Variants in FBLN5 observed in about 807,000 individuals in gnomAD.
FBLN5 encodes fibulin 5.
A neutral mutation model predicts 61.6 loss-of-function variants in FBLN5; 24 were observed. The observed-to-expected ratio is 0.39, with a 90% CI of 0.28 to 0.55. The LOEUF (loss-of-function observed/expected upper bound fraction) is 0.55, where lower values mean the gene tolerates loss of function less well. FBLN5 is among the 20% of genes least tolerant of loss of function. FBLN5 has a pLI of 0.65. For synonymous variants in FBLN5, 213 were observed against 219.8 expected (o/e 0.97, Z 0.27); for missense variants, 470 against 594.1 (o/e 0.79, Z 2.17).
intron 10 of FBLN5, chr14:91,874,567 G>A (rs920254981): frequency 6.6e-6 from 1 of 152,162 alleles, no homozygotes; most frequent in Non-Finnish European, 1.5e-5. Context: ...AGGTTGCTTA[G>A]CTCTGTGCCT....
At position 91,937,092 on chromosome 14, in the gene FBLN5, C is replaced by T; in HGVS notation, c.234G>A (p.Gly78=). ...CIPRTNPVYR[G]PYSNPYSTPY... ...GGGTCGAGTAGGGGTTCGAGTAGGG[C>T]CCTCGATACACAGGGTTTGTCCGGG... The change falls in exon 4 of 11, where the codon GGG becomes GGA. Residue 78 remains glycine (G), a synonymous_variant. Transcript: ENST00000342058. 1.9e-6 allele frequency: 3 copies of T among 1,613,988 alleles called. No homozygotes were observed. The highest frequency in any genetic ancestry group is 2.5e-6 in the Non-Finnish European group (3 of 1,180,000).
intron 5 of FBLN5, among the ~76,000 whole-genome samples, chr14:91,891,839 G>T (rs561193345): frequency 6.6e-6 from 1 of 152,276 alleles, no homozygotes; most frequent in East Asian, 1.9e-4. Flanking sequence ...CACTCCAATA[G>T]GCTCCTTGCC....
At chr14:91,915,757 A>G (rs1891174355) in intron 4 of FBLN5, among the ~76,000 whole-genome samples, 1 of 151,982 alleles carries the variant, frequency 6.6e-6, no homozygotes, top group Admixed American at 6.6e-5. Flanking sequence ...CACACCCAAA[A>G]ATACCAAATC....
intron 10 of FBLN5, chr14:91,874,730 G>T (rs1889090415): frequency 6.6e-6 from 1 of 152,284 alleles, no homozygotes. Flanking sequence ...TGTGTGTGGA[G>T]TTATTGGGGT....
chr14:91,925,297 C>T (rs574884237), intron 4 of FBLN5, among the ~76,000 whole-genome samples: 1 of 152,336 alleles, frequency 6.6e-6, no homozygotes, highest in South Asian at 2.1e-4. Context: ...TCCCCATCTC[C>T]CCTCTGGCCC....
In FBLN5 at chr14:91,915,701, A is replaced by AG. The variant is rs1416070148; in HGVS notation, c.380-20630_380-20629insC. ...GACTCCATCTCAAAAAAAAAAAAAA[A>AG]AAAAAAAAAAGAAATCATATCAGTA... On this transcript the variant is annotated intron_variant, in intron 4 of 10. Coordinates refer to ENST00000342058, the MANE Select transcript of FBLN5 (RefSeq NM_006329.4). 3.3e-5 allele frequency among the ~76,000 whole-genome samples: 5 copies of AG among 150,910 alleles called. No individual in the cohort carries two copies. In the East Asian group the frequency reaches 9.7e-4, roughly 29 times the overall value.
At chr14:91,887,433 A>G in intron 6 of FBLN5, 121 bp from the exon 7 acceptor site, 2 of 1,018,910 alleles carry the variant, frequency 2.0e-6, no homozygotes, top group Non-Finnish European at 3.1e-6. Context: ...CCAGGTACCA[A>G]GGCTCTCCAC....
intron 4 of FBLN5, among the ~76,000 whole-genome samples, chr14:91,907,317 T>A (rs1404058400): frequency 6.6e-6 from 1 of 152,132 alleles, no homozygotes; most frequent in African/African-American, 2.4e-5. Flanking sequence ...AGCTGAAAAC[T>A]ACACATTGAG....
intron 5 of FBLN5, among the ~76,000 whole-genome samples, chr14:91,892,551 G>A (rs141229033): frequency 6.6e-6 from 1 of 152,278 alleles, no homozygotes; most frequent in African/African-American, 2.4e-5. Context: ...TTGTCTCTAA[G>A]TCCCGGCTAC....
chr14:91,944,047 C>T (rs951373077), intron 1 of FBLN5, among the ~76,000 whole-genome samples: 1 of 152,010 alleles, frequency 6.6e-6, no homozygotes, highest in African/African-American at 2.4e-5. Context: ...AATACAAAAG[C>T]AGCCGGGTGT....
chr14:91,906,855 G>A (rs983219182), intron 4 of FBLN5, among the ~76,000 whole-genome samples: 2 of 152,152 alleles, frequency 1.3e-5, no homozygotes, highest in East Asian at 1.9e-4. Context: ...ATACCAGTGC[G>A]GCAACACTGG....
chr14:91,916,483 G>A (rs1340175850), intron 4 of FBLN5, among the ~76,000 whole-genome samples: 1 of 152,110 alleles, frequency 6.6e-6, no homozygotes, highest in East Asian at 1.9e-4. Context: ...GAGGGACTAG[G>A]CATTTCTTCA....
At chr14:91,920,738 C>A (rs893100425) in intron 4 of FBLN5, among the ~76,000 whole-genome samples, 3 of 152,166 alleles carry the variant, frequency 2.0e-5, no homozygotes, top group Admixed American at 6.5e-5. Context: ...CTCCTCCTGG[C>A]AAGCCTCCAA....
At chr14:91,880,878 G>A (rs768574692) in intron 9 of FBLN5, among the ~76,000 whole-genome samples, 1 of 151,830 alleles carries the variant, frequency 6.6e-6, no homozygotes, top group Non-Finnish European at 1.5e-5. Context: ...TGTGTGTTGT[G>A]GTCAAACATT....
intron 10 of FBLN5, among the ~76,000 whole-genome samples, chr14:91,875,057 C>T (rs557483016): frequency 2.6e-5 from 4 of 152,048 alleles, no homozygotes; most frequent in Admixed American, 1.3e-4. Flanking sequence ...CTTGAACTCC[C>T]GGGCTCCAGG....
intron 10 of FBLN5, 76 bp downstream of exon 10, chr14:91,877,411 C>T: frequency 1.7e-6 from 2 of 1,211,934 alleles, no homozygotes; most frequent in Non-Finnish European, 1.2e-6. Flanking sequence ...TACCTGCTTG[C>T]ATACAGCACG....
intron 4 of FBLN5, among the ~76,000 whole-genome samples, chr14:91,910,155 A>T (rs72705356): frequency 0.23 from 34,261 of 152,152 alleles, 4,032 homozygotes; most frequent in Middle Eastern, 0.34. Context: ...GAATACCCAA[A>T]ATGTGGTACA....
intron 1 of FBLN5, among the ~76,000 whole-genome samples, chr14:91,945,595 C>T (rs2056171196): frequency 6.6e-6 from 1 of 152,312 alleles, no homozygotes; most frequent in South Asian, 2.1e-4. Context: ...AATATAATCC[C>T]TCCCTTTCAG....
intron 4 of FBLN5, among the ~76,000 whole-genome samples, chr14:91,930,517 G>A (rs2055905269): frequency 1.3e-5 from 2 of 152,136 alleles, no homozygotes; most frequent in African/African-American, 4.8e-5. Flanking sequence ...TAAAGAATCG[G>A]TTTCATGGTT....
Sources: gnomAD v4.1 joint callset for allele counts (sites outside exome capture counted in the v4.1 genomes callset) on GRCh38, gnomAD v4.1.1 for gene constraint, MANE v1.5 for transcripts, NCBI Gene and HGNC (gene_info 2026-07-23, HGNC 2026-07-21) for gene names.